MXRA5: variants seen among roughly 807,000 people sequenced by gnomAD.
MXRA5 encodes the protein matrix-remodeling-associated protein 5.
A neutral mutation model predicts 112.5 loss-of-function variants in MXRA5; 41 were observed. That is an observed-to-expected ratio of 0.36 (90% CI 0.28 to 0.47). The LOEUF (loss-of-function observed/expected upper bound fraction) is 0.47, where lower values mean the gene tolerates loss of function less well. Among genes scored for constraint, MXRA5 ranks in the 20% least tolerant of loss-of-function variants. The pLI is 0.99. For synonymous variants in MXRA5, 862 were observed against 900.8 expected, an observed-to-expected ratio of 0.96 and a Z score of 0.77; for missense variants, 2,150 against 2,251.0, an observed-to-expected ratio of 0.96 and a Z score of 0.91.
At position 3,330,438 on chromosome X, in the gene MXRA5, C is replaced by G. The variant is rs759410898; in HGVS notation, c.319-30G>C. 69 of 1,160,262 alleles carry G rather than the reference C, an allele frequency of 5.9e-5. No individual in the cohort carries two copies. In the South Asian group the frequency reaches 1.2e-3, roughly 21 times the overall value. On this transcript the variant is annotated intron_variant, in intron 3 of 6. Transcript: ENST00000217939. ...AAGGACAGGGGAAAACAAAACAAAA[C>G]AAAAGGATCCTGTTTATAGTTTAAA...
At chrX:3,344,708 A>G (rs1188473133) in intron 1 of MXRA5, among the ~76,000 whole-genome samples, 1 of 111,839 alleles carries the variant, frequency 8.9e-6, no homozygotes, top group Non-Finnish European at 1.9e-5. Context: ...CATCTCTTGA[A>G]TGGCGTTCAC....
chrX:3,336,851 A>G (rs1167583891), intron 2 of MXRA5, among the ~76,000 whole-genome samples: 1 of 111,753 alleles, frequency 8.9e-6, no homozygotes, highest in Non-Finnish European at 1.9e-5. Flanking sequence ...TTCGCTCAAT[A>G]TGAAACGATG....
chrX:3,317,286 C>A lies in MXRA5; in HGVS notation c.6395G>T (p.Arg2132Leu). The A allele has an allele frequency of 8.3e-7, 1 of 1,205,348 alleles. No individual in the cohort carries two copies. ...CVAANLVGSA[R>L]RTVQLNVQRA... is the part of the protein sequence containing the mutation. ...CTGCACGTTCAGCTGCACCGTCCTG[C>A]GCGCGGAGCCTACCAGGTTGGCGGC... Residue 2132 changes from arginine to leucine, a missense_variant, in exon 6 of 7, where the codon CGC (arginine) becomes CTC (leucine). Arg to Leu is a moderately radical substitution (Grantham distance 102). Coordinates refer to ENST00000217939, the MANE Select transcript of MXRA5 (RefSeq NM_015419.4).
Position 3,322,228 on chromosome X carries a change from C to A in MXRA5, c.3457G>T (p.Gly1153Trp), listed in dbSNP as rs372350891. Reference protein sequence around the residue: ...STHPSRRRPNGRRRLRPNKFR... With the variant: ...STHPSRRRPNWRRRLRPNKFR... ...TTGTTGGGGCGTAATCTCCTTCTCCCGTTGGGTCTCCTTCGAGAAGGGTGA... is the reference window on the plus strand; with the variant it reads ...TTGTTGGGGCGTAATCTCCTTCTCCAGTTGGGTCTCCTTCGAGAAGGGTGA... The change falls in exon 5 of 7, where the codon GGG becomes TGG. Residue 1153 changes from glycine to tryptophan, a missense_variant. This residue lies in a region of MXRA5 where 1,485 missense variants were observed against 1,471.6 expected (regional missense o/e 1.01). Transcript: ENST00000217939. The A allele has an allele frequency of 5.9e-6, 7 of 1,191,053 alleles. No homozygotes were observed. In the African/African-American group the frequency reaches 1.2e-4, roughly 21 times the overall value.
At chrX:3,345,026 G>A (rs1184142345) in intron 1 of MXRA5, among the ~76,000 whole-genome samples, 6 of 111,769 alleles carry the variant, frequency 5.4e-5, no homozygotes, top group Admixed American at 9.5e-5. Context: ...TCAGCTGCTC[G>A]GGAGGCTGAG....
Position 3,340,967 on chromosome X carries a change from T to TATGTATAATAGATATATATTATATATC in MXRA5, c.188+2652_188+2678dup, listed in dbSNP as rs1424881822. Among the ~76,000 whole-genome samples, 121 of 83,184 alleles carry TATGTATAATAGATATATATTATATATC rather than the reference T, an allele frequency of 1.5e-3. 2 individuals carry two copies. The highest frequency in any genetic ancestry group is 4.7e-3 in the African/African-American group (101 of 21,707). 72.2% of individuals were successfully genotyped at this position (83,184 alleles called of 115,157 possible). The stretch of plus-strand genomic sequence containing the variant: ...AGAAGCACCGCAAATAGATATATAT[T>TATGTATAATAGATATATATTATATATC]ATGTATAATAGATATATATTATATA... On this transcript the variant is annotated intron_variant, in intron 2 of 6. Transcript: ENST00000217939.
At chrX:3,341,065 T>A (rs866357335) in intron 2 of MXRA5, among the ~76,000 whole-genome samples, 3 of 70,961 alleles carry the variant, frequency 4.2e-5, no homozygotes, top group African/African-American at 1.6e-4. Flanking sequence ...TATTATATAT[T>A]ATATAATATA....
chrX:3,344,900 G>T (rs767153065), intron 1 of MXRA5, among the ~76,000 whole-genome samples: 1 of 110,820 alleles, frequency 9.0e-6, no homozygotes, highest in Non-Finnish European at 1.9e-5. Flanking sequence ...ATCACCTGAG[G>T]TCAGGAGTTC....
In MXRA5 at chrX:3,330,562, A is replaced by C. The variant is rs1337259554; in HGVS notation, c.318+82T>G. 10 of 1,150,537 alleles carry C rather than the reference A, an allele frequency of 8.7e-6. No individual in the cohort carries two copies. In the East Asian group the frequency reaches 2.7e-4, roughly 31 times the overall value. 94.8% of individuals were successfully genotyped at this position (1,150,537 alleles called of 1,213,427 possible). On this transcript the variant is annotated intron_variant, in intron 3 of 6. Transcript: ENST00000217939. ...ACAATAGCCGTTTTATTGATCATTAAGGAGAATGACATAATTTCTATTCTT... is the reference window on the plus strand; with the variant it reads ...ACAATAGCCGTTTTATTGATCATTACGGAGAATGACATAATTTCTATTCTT...
chrX:3,337,214 C>T (rs1444706545), intron 2 of MXRA5, among the ~76,000 whole-genome samples: 1 of 111,664 alleles, frequency 9.0e-6, no homozygotes, highest in Non-Finnish European at 1.9e-5. Flanking sequence ...CCGTGGTGGA[C>T]AACTAGTTAG....
At chrX:3,338,958 TTAGATAGATAGATAGATAGA>T (rs749467757) in intron 2 of MXRA5, among the ~76,000 whole-genome samples, 2 of 80,803 alleles carry the variant, frequency 2.5e-5, no homozygotes, top group Non-Finnish European at 4.3e-5. Flanking sequence ...AGATAGATAG[TTAGATAGATAGATAGATAGA>T]TAGATAGATA....
At position 3,311,318 on chromosome X, in the gene MXRA5, A is replaced by G. The variant is rs1276817050; in HGVS notation, c.6885T>C (p.Gly2295=). 6.6e-6 allele frequency: 8 copies of G among 1,210,080 alleles called. No homozygotes were observed. The Admixed American group carries it at 1.3e-4, about 20-fold the overall frequency. The change falls in exon 7 of 7, where the codon GGT becomes GGC. Residue 2295 remains glycine, a synonymous_variant. Coordinates refer to ENST00000217939, the MANE Select transcript of MXRA5 (RefSeq NM_015419.4). ...AGACGACATAGCGCTTGGTGCGTCC[A>G]CCGCTGTCATCCGACTGCATGAAGG... ...VNSFMQSDDS[G]GRTKRYVVFN...
In MXRA5 at chrX:3,320,632, T is replaced by C; in HGVS notation, c.5053A>G (p.Ser1685Gly). Reference sequence around the variant, plus strand: ...TCAGTTCTTCGGTCAGTAAACTTACTAGGAATGCTGGGTTTGGACATGTGC... The same window carrying C: ...TCAGTTCTTCGGTCAGTAAACTTACCAGGAATGCTGGGTTTGGACATGTGC... ...PLHMSKPSIP[S>G]KFTDRRTDQF... Residue 1685 changes from serine (S) to glycine (G), a missense_variant, in exon 5 of 7, where the codon AGT becomes GGT. This residue lies in a region of MXRA5 where 1,485 missense variants were observed against 1,471.6 expected (regional missense o/e 1.01). Transcript: ENST00000217939. 2.5e-6 allele frequency: 3 copies of C among 1,211,900 alleles called. No homozygotes were observed. The highest frequency in any genetic ancestry group is 3.5e-5 in the South Asian group (2 of 57,003).
At position 3,322,833 on chromosome X, in the gene MXRA5, G is replaced by A. The variant is rs781169634; in HGVS notation, c.2852C>T (p.Ser951Leu). Reference sequence around the variant, plus strand: ...CTCACTGGATGTGGGCTCTGGTGACGATCCAACATCTGCTGCAGACCAACC... The same window carrying A: ...CTCACTGGATGTGGGCTCTGGTGACAATCCAACATCTGCTGCAGACCAACC... ...TEGWSAADVGSSPEPTSSEYE... is the reference protein window; with the variant it reads ...TEGWSAADVGLSPEPTSSEYE... Residue 951 changes from serine to leucine, a missense_variant, in exon 5 of 7, where the codon TCG becomes TTG. This residue lies in a region of MXRA5 where 1,485 missense variants were observed against 1,471.6 expected (regional missense o/e 1.01). Coordinates refer to ENST00000217939, the MANE Select transcript of MXRA5 (RefSeq NM_015419.4). The A allele has an allele frequency of 6.6e-6, 8 of 1,209,672 alleles. No homozygotes were observed. The African/African-American group carries it at 1.1e-4, about 16-fold the overall frequency.
In MXRA5 at chrX:3,324,531, C is replaced by T. The variant is rs774532220; in HGVS notation, c.1154G>A (p.Ser385Asn). The change falls in exon 5 of 7, where the codon AGT becomes AAT. Residue 385 changes from serine (S) to asparagine (N), a missense_variant. By Grantham distance (46) the Ser-to-Asn change is conservative. Transcript: ENST00000217939. ...EKLWKLIAYY[S>N]EVPVKLHREL... is the part of the protein sequence containing the mutation. ...TCTGTGTAGCTTCACGGGAACTTCA[C>T]TGTAGTATGCTATCAATTTCCATAG... 3.6e-5 allele frequency: 43 copies of T among 1,209,485 alleles called. No individual in the cohort carries two copies. The East Asian group carries it at 1.2e-3, about 34-fold the overall frequency.
chrX:3,319,284 T>C (rs910784477), intron 5 of MXRA5, among the ~76,000 whole-genome samples: 1 of 112,727 alleles, frequency 8.9e-6, no homozygotes, highest in Non-Finnish European at 1.9e-5. Flanking sequence ...TTTTCATCTT[T>C]ACACTAATCC....
chrX:3,318,071 T>C, intron 5 of MXRA5, 68 bp from the exon 6 acceptor site: 1 of 898,342 alleles, frequency 1.1e-6, no homozygotes. Flanking sequence ...AAACGAGCAG[T>C]ATTAGTTAAT....
intron 2 of MXRA5, among the ~76,000 whole-genome samples, chrX:3,341,647 T>A (rs1171664971): frequency 1.4e-5 from 1 of 69,642 alleles, no homozygotes; most frequent in African/African-American, 5.2e-5. Context: ...TATTATATAT[T>A]ATATAATATG....
chrX:3,309,939 C>T lies in MXRA5; in HGVS notation c.8264G>A (p.Cys2755Tyr). The change falls in exon 7 of 7, where the codon TGC becomes TAC. Residue 2755 changes from cysteine to tyrosine, a missense_variant. This residue lies in a region of MXRA5 where 178 missense variants were observed against 198.2 expected (regional missense o/e 0.90). Coordinates refer to ENST00000217939, the MANE Select transcript of MXRA5 (RefSeq NM_015419.4). ...TRPGNTVKLN[C>Y]MAMGIPKADI... Reference sequence around the variant, plus strand: ...AGCTTTGGGAATCCCCATAGCCATGCAGTTCAGTTTCACGGTGTTCCCGGG... The same window carrying T: ...AGCTTTGGGAATCCCCATAGCCATGTAGTTCAGTTTCACGGTGTTCCCGGG... 1 of 1,211,315 alleles carries T rather than the reference C, an allele frequency of 8.3e-7. No homozygotes were observed. Among genetic ancestry groups the T allele is most frequent in the Non-Finnish European group, 1.1e-6 (1 of 895,344 alleles).
Sources: gnomAD v4.1 joint callset for allele counts (sites outside exome capture counted in the v4.1 genomes callset) on GRCh38, gnomAD v4.1.1 for gene constraint, gnomAD v4.1.1 regional missense constraint, MANE v1.5 for transcripts, NCBI Gene and HGNC (gene_info 2026-07-23, HGNC 2026-07-21) for gene names.